The following BCLAF1 variants were observed in gnomAD, a reference collection of about 807,000 sequenced individuals.
BCLAF1 encodes BCL2 associated transcription factor 1, also known as bcl-2-associated transcription factor 1.
BCLAF1 carries 10 observed loss-of-function variants against 99.5 expected under a neutral mutation model. That is an observed-to-expected ratio of 0.10 (90% confidence interval 0.06 to 0.17). The LOEUF (loss-of-function observed/expected upper bound fraction) is 0.17, where lower values mean the gene tolerates loss of function less well. BCLAF1 is among the 10% of genes least tolerant of loss of function. BCLAF1 has a pLI of 1.00. For synonymous variants in BCLAF1, 255 were observed against 370.9 expected (o/e 0.69, Z 3.59); for missense variants, 636 against 1,105.8 (o/e 0.58, Z 6.02).
chr6:136,273,911 A>T (rs1490764979), intron 6 of BCLAF1: 31 of 1,050,142 alleles, frequency 3.0e-5, no homozygotes, highest in Non-Finnish European at 3.6e-5. Flanking sequence ...ATGTCACATT[A>T]TGAAGCAAGC....
In BCLAF1 at chr6:136,282,634, A is replaced by G. The variant is rs1784530552; in HGVS notation, c.-61T>C. On this transcript the variant is annotated 5_prime_UTR_variant, in exon 2 of 13. Coordinates refer to ENST00000531224, the MANE Select transcript of BCLAF1 (RefSeq NM_014739.3). ...TCAAGTGAAGTCTTTGAGATACTGT[A>G]AAAATTCTTCCTGGAGAGAATGCTC... 1 of 152,190 alleles carries G rather than the reference A, an allele frequency of 6.6e-6. No homozygotes were observed. Among genetic ancestry groups the G allele is most frequent in the Admixed American group, 6.5e-5 (1 of 15,288 alleles). The allele number at this position is 152,190 out of a possible 1,614,324, so 9.4% of individuals were successfully genotyped here.
rs1008051459 is a variant in BCLAF1 at position 136,278,693 on chromosome 6, T to C, written c.188A>G (p.Asn63Ser). The C allele has an allele frequency of 3.1e-6, 5 of 1,613,158 alleles. No homozygotes were observed. The African/African-American group carries it at 5.3e-5, about 17-fold the overall frequency. The change falls in exon 4 of 13, where the codon AAT becomes AGT. Residue 63 changes from asparagine to serine, a missense_variant. By Grantham distance (46) the Asn-to-Ser change is conservative (BLOSUM62 1). This residue lies in a region of BCLAF1 where 81 missense variants were observed against 132.5 expected (regional missense o/e 0.61). Coordinates refer to ENST00000531224, the MANE Select transcript of BCLAF1 (RefSeq NM_014739.3). ...ATAAGGTCGTCTCATTCCTCTATTA[T>C]TTCTGTAATCGCGACGATAATCTCT... ...YSRDYRRDYR[N>S]NRGMRRPYGY...
intron 11 of BCLAF1, among the ~76,000 whole-genome samples, chr6:136,265,171 C>T (rs1781548698): frequency 6.6e-6 from 1 of 152,170 alleles, no homozygotes; most frequent in South Asian, 2.1e-4. Flanking sequence ...TCACTTTTCA[C>T]CCCACCTTTG....
chr6:136,286,117 A>C (rs1328311762), intron 1 of BCLAF1, among the ~76,000 whole-genome samples: 2 of 152,130 alleles, frequency 1.3e-5, no homozygotes, highest in South Asian at 4.1e-4. Context: ...AAAATGATCA[A>C]GGTAACTGGG....
At chr6:136,286,897 G>T (rs1314543855) in intron 1 of BCLAF1, among the ~76,000 whole-genome samples, 4 of 152,076 alleles carry the variant, frequency 2.6e-5, no homozygotes, top group African/African-American at 9.7e-5. Flanking sequence ...GAACCCATGA[G>T]GTGGAGGTTG....
chr6:136,289,403 G>A (rs1018210584), intron 1 of BCLAF1, among the ~76,000 whole-genome samples: 1 of 152,176 alleles, frequency 6.6e-6, no homozygotes, highest in Admixed American at 6.5e-5. Context: ...TGAAGAAATG[G>A]GGGAAGGGTG....
rs768378592 is a variant in BCLAF1 at position 136,278,731 on chromosome 6, A to G, written c.150T>C (p.Asp50=). ...SRTYSRSRSR[D]RMYSRDYRRD... is the part of the protein sequence containing the mutation. The stretch of plus-strand genomic sequence containing the variant: ...GACGATAATCTCTAGAATACATACG[A>G]TCTCTACTACGAGACCTTGAATATG... The change falls in exon 4 of 13, where the codon GAT becomes GAC. Residue 50 remains aspartate, a synonymous_variant. Coordinates refer to ENST00000531224, the MANE Select transcript of BCLAF1 (RefSeq NM_014739.3). The G allele has an allele frequency of 6.2e-7, 1 of 1,605,950 alleles. No individual in the cohort carries two copies. Among genetic ancestry groups the G allele is most frequent in the Non-Finnish European group, 8.5e-7 (1 of 1,177,570 alleles).
At chr6:136,275,493 G>A (rs764342976) in intron 6 of BCLAF1, 39 bp downstream of exon 6, 1 of 1,445,342 alleles carries the variant, frequency 6.9e-7, no homozygotes, top group South Asian at 1.6e-5. Flanking sequence ...TTGCATGCAA[G>A]AGAAATTTAA....
intron 10 of BCLAF1, 88 bp from the exon 11 acceptor site, chr6:136,267,263 A>C (rs1047016213): frequency 9.3e-6 from 13 of 1,391,422 alleles, no homozygotes; most frequent in Non-Finnish European, 1.3e-5. Flanking sequence ...GTAACAAAAA[A>C]CATATGCCCT....
intron 6 of BCLAF1, among the ~76,000 whole-genome samples, chr6:136,274,864 T>C (rs977810298): frequency 5.3e-5 from 8 of 151,900 alleles, no homozygotes; most frequent in African/African-American, 1.7e-4. Context: ...AAAAAAATCA[T>C]TACTTTAGTT....
chr6:136,262,873 A>T (rs1781208378), intron 11 of BCLAF1, among the ~76,000 whole-genome samples: 1 of 152,150 alleles, frequency 6.6e-6, no homozygotes, highest in Non-Finnish European at 1.5e-5. Flanking sequence ...GTTTTGGAGT[A>T]GAAGCATGGG....
intron 11 of BCLAF1, 146 bp downstream of exon 11, chr6:136,266,883 A>C (rs780617926): frequency 8.9e-5 from 97 of 1,083,898 alleles, no homozygotes; most frequent in Non-Finnish European, 1.2e-4. Flanking sequence ...TCAAAATTTC[A>C]AATCGTCTGG....
intron 11 of BCLAF1, among the ~76,000 whole-genome samples, chr6:136,265,392 T>G (rs772407823): frequency 6.6e-6 from 1 of 152,106 alleles, no homozygotes; most frequent in African/African-American, 2.4e-5. Flanking sequence ...CAGATTTAGA[T>G]TCCTTCCTCT....
chr6:136,277,309 T>C (rs919034636), intron 4 of BCLAF1, among the ~76,000 whole-genome samples: 8 of 152,206 alleles, frequency 5.3e-5, no homozygotes, highest in African/African-American at 1.4e-4. Context: ...CCTAAGAACA[T>C]GCAATATAGC....
At chr6:136,269,821 G>C (rs946973820) in intron 8 of BCLAF1, 1 of 378,004 alleles carries the variant, frequency 2.6e-6, no homozygotes, top group South Asian at 1.0e-4. Context: ...AAAGTGCAGT[G>C]GGACTGGGGA....
Position 136,271,920 on chromosome 6 carries a change from G to A in BCLAF1, c.2043+75C>T, listed in dbSNP as rs947053966. ...AAGATATCTATAGACATTTTGCCTT[G>A]AGAAACTATATTTGGTACAATATCA... On this transcript the variant is annotated intron_variant, in intron 8 of 12. Coordinates refer to ENST00000531224, the MANE Select transcript of BCLAF1 (RefSeq NM_014739.3). 1.5e-5 allele frequency: 17 copies of A among 1,102,792 alleles called. No individual in the cohort carries two copies. The Middle Eastern group carries it at 6.0e-4, about 39-fold the overall frequency. 68.3% of individuals were successfully genotyped at this position (1,102,792 alleles called of 1,614,324 possible).
chr6:136,274,185 A>G (rs769560565), intron 6 of BCLAF1: 1 of 1,286,408 alleles, frequency 7.8e-7, no homozygotes, highest in Non-Finnish European at 1.0e-6. Context: ...AACATATTCC[A>G]GGACCTAGTT....
Position 136,272,057 on chromosome 6 carries a change from T to C in BCLAF1, c.1981A>G (p.Thr661Ala). The C allele has an allele frequency of 6.2e-7, 1 of 1,602,346 alleles. No individual in the cohort carries two copies. Among genetic ancestry groups the C allele is most frequent in the Non-Finnish European group, 8.5e-7 (1 of 1,172,388 alleles). The change falls in exon 8 of 13, where the codon ACC becomes GCC. Residue 661 changes from threonine (T) to alanine (A), a missense_variant. By Grantham distance (58) the Thr-to-Ala change is moderately conservative. This residue lies in a region of BCLAF1 where 180 missense variants were observed against 270.0 expected (regional missense o/e 0.67). Coordinates refer to ENST00000531224, the MANE Select transcript of BCLAF1 (RefSeq NM_014739.3). Reference sequence around the variant, plus strand: ...GCTAAACGGGTATGCTTCCTCAGGGTACTTGGTGAGATGTCAATTCTCCTT... The same window carrying C: ...GCTAAACGGGTATGCTTCCTCAGGGCACTTGGTGAGATGTCAATTCTCCTT... ...IHRRIDISPS[T>A]LRKHTRLAGE...
Position 136,267,124 on chromosome 6 carries a change from T to C in BCLAF1, c.2449A>G (p.Thr817Ala). 1 of 1,613,202 alleles carries C rather than the reference T, an allele frequency of 6.2e-7. No homozygotes were observed. Among genetic ancestry groups the C allele is most frequent in the Non-Finnish European group, 8.5e-7 (1 of 1,179,384 alleles). ...RARGVFAGTN[T>A]GPNNSNTTFQ... ...GTAGTATTTGAGTTGTTTGGACCAG[T>C]ATTTGTCCCAGCAAAAACTCCTCTG... Residue 817 changes from threonine (T) to alanine (A), a missense_variant, in exon 11 of 13, where the codon ACT (threonine) becomes GCT (alanine). By Grantham distance (58) the Thr-to-Ala change is moderately conservative. Coordinates refer to ENST00000531224, the MANE Select transcript of BCLAF1 (RefSeq NM_014739.3).
Sources: gnomAD v4.1 joint callset for allele counts (sites outside exome capture counted in the v4.1 genomes callset) on GRCh38, gnomAD v4.1.1 for gene constraint, gnomAD v4.1.1 regional missense constraint, MANE v1.5 for transcripts, NCBI Gene and HGNC (gene_info 2026-07-23, HGNC 2026-07-21) for gene names.